The following KCNH8 variants were observed in gnomAD, a reference collection of about 807,000 sequenced individuals.
KCNH8 encodes potassium voltage-gated channel subfamily H member 8.
A neutral mutation model predicts 103.6 loss-of-function variants in KCNH8; 70 were observed. The ratio of observed to expected loss-of-function variants is 0.68; its 90% CI spans 0.56 to 0.82. KCNH8 has a LOEUF of 0.82. KCNH8 is among the 40% of genes least tolerant of loss of function. The probability of loss-of-function intolerance (pLI) is 0.00; values close to 1 mark genes in which losing one functional copy is unlikely to be tolerated. For missense variants in KCNH8, 1,217 were observed against 1,329.9 expected, an observed-to-expected ratio of 0.92 and a Z score of 1.32; for synonymous variants, 498 against 489.4, an observed-to-expected ratio of 1.02 and a Z score of -0.23.
At chr3:19,451,442 CTG>C (rs1438349478) in intron 10 of KCNH8, 38 bp downstream of exon 10, 2 of 1,595,640 alleles carry the variant, frequency 1.3e-6, no homozygotes, top group Admixed American at 1.7e-5. Context: ...AAATTTGACT[CTG>C]GAGCATAAAT....
intron 1 of KCNH8, among the ~76,000 whole-genome samples, chr3:19,223,411 C>T (rs1168469118): frequency 1.3e-5 from 2 of 152,148 alleles, no homozygotes; most frequent in East Asian, 3.8e-4. Flanking sequence ...AGTTCAGCCT[C>T]TAATAAAATA....
intron 15 of KCNH8, among the ~76,000 whole-genome samples, chr3:19,530,060 A>C (rs1344888878): frequency 6.6e-6 from 1 of 152,142 alleles, no homozygotes; most frequent in Non-Finnish European, 1.5e-5. Context: ...CCAGGCACAG[A>C]AAGACAAATA....
intron 1 of KCNH8, among the ~76,000 whole-genome samples, chr3:19,247,144 A>G (rs2064216991): frequency 6.6e-6 from 1 of 152,214 alleles, no homozygotes; most frequent in Admixed American, 6.5e-5. Context: ...TGGATGATGT[A>G]TAAATTACAA....
chr3:19,512,169 T>C (rs1463933823), intron 12 of KCNH8, among the ~76,000 whole-genome samples: 3 of 152,228 alleles, frequency 2.0e-5, no homozygotes, highest in Non-Finnish European at 4.4e-5. Flanking sequence ...ACAGTGACTC[T>C]GTTGAGGGCC....
intron 3 of KCNH8, among the ~76,000 whole-genome samples, chr3:19,288,968 C>T (rs952802615): frequency 1.4e-4 from 21 of 152,248 alleles, no homozygotes; most frequent in African/African-American, 4.6e-4. Context: ...ATTTGCATTT[C>T]TCTGATGGCC....
intron 11 of KCNH8, among the ~76,000 whole-genome samples, chr3:19,462,420 T>C (rs886324305): frequency 5.3e-5 from 8 of 152,254 alleles, no homozygotes; most frequent in Non-Finnish European, 1.0e-4. Context: ...CATGTGTCTG[T>C]TGGCTGCATA....
chr3:19,320,870 G>C (rs1489449293), intron 3 of KCNH8, among the ~76,000 whole-genome samples: 1 of 151,734 alleles, frequency 6.6e-6, no homozygotes. Flanking sequence ...CTTGTTACTG[G>C]TGTGTTCAGA....
chr3:19,425,595 A>C (rs1397116385), intron 7 of KCNH8, among the ~76,000 whole-genome samples: 1 of 152,196 alleles, frequency 6.6e-6, no homozygotes, highest in Non-Finnish European at 1.5e-5. Flanking sequence ...TCTCCCCTTC[A>C]GTAGTAGTGG....
chr3:19,255,448 C>G (rs1376948452), intron 2 of KCNH8, among the ~76,000 whole-genome samples: 2 of 152,000 alleles, frequency 1.3e-5, no homozygotes, highest in East Asian at 1.9e-4. Flanking sequence ...TATTTGAATA[C>G]CCTGTATTCC....
At chr3:19,408,307 T>G (rs1257647085) in intron 7 of KCNH8, among the ~76,000 whole-genome samples, 1 of 150,864 alleles carries the variant, frequency 6.6e-6, no homozygotes, top group East Asian at 2.0e-4. Context: ...AAGGGGAAGG[T>G]AAAGGGAAAG....
At chr3:19,336,595 TTTTA>T (rs1377474639) in intron 3 of KCNH8, among the ~76,000 whole-genome samples, 1 of 151,928 alleles carries the variant, frequency 6.6e-6, no homozygotes, top group African/African-American at 2.4e-5. Context: ...TTCCCTATAA[TTTTA>T]TTTATTTTTT....
At chr3:19,463,278 G>A (rs1421920740) in intron 11 of KCNH8, among the ~76,000 whole-genome samples, 1 of 152,102 alleles carries the variant, frequency 6.6e-6, no homozygotes, top group East Asian at 1.9e-4. Context: ...AAGTTTCAGA[G>A]TAGTCCTATG....
chr3:19,171,467 T>C (rs909048404), intron 1 of KCNH8, among the ~76,000 whole-genome samples: 2 of 152,122 alleles, frequency 1.3e-5, no homozygotes, highest in African/African-American at 2.4e-5. Context: ...CTACTTACAA[T>C]CCATTTTTTC....
intron 1 of KCNH8, among the ~76,000 whole-genome samples, chr3:19,152,145 G>GT (rs1027196248): frequency 6.6e-5 from 10 of 151,024 alleles, no homozygotes; most frequent in Admixed American, 4.0e-4. Context: ...CTTCTCCATA[G>GT]TTTTTTTTTA....
chr3:19,197,305 T>C (rs1375798569), intron 1 of KCNH8, among the ~76,000 whole-genome samples: 2 of 152,016 alleles, frequency 1.3e-5, no homozygotes, highest in South Asian at 2.1e-4. Context: ...CTTTGTTTTC[T>C]CGGATTTAGT....
intron 1 of KCNH8, among the ~76,000 whole-genome samples, chr3:19,217,494 A>T (rs113192489): frequency 0.028 from 4,301 of 152,254 alleles, 202 homozygotes; most frequent in African/African-American, 0.096. Context: ...GAAATATATA[A>T]TTACGCATTT....
chr3:19,478,383 A>G (rs1232441281), intron 11 of KCNH8, among the ~76,000 whole-genome samples: 1 of 152,062 alleles, frequency 6.6e-6, no homozygotes, highest in African/African-American at 2.4e-5. Context: ...AGCTTGTACT[A>G]GTTTACCCAC....
At chr3:19,270,276 G>T (rs2064569727) in intron 2 of KCNH8, among the ~76,000 whole-genome samples, 1 of 152,142 alleles carries the variant, frequency 6.6e-6, no homozygotes, top group African/African-American at 2.4e-5. Context: ...CAAGTTTGCT[G>T]ACCTTTGAAG....
intron 5 of KCNH8, among the ~76,000 whole-genome samples, chr3:19,358,915 A>G (rs1178549560): frequency 6.7e-6 from 1 of 148,508 alleles, no homozygotes; most frequent in African/African-American, 2.6e-5. Context: ...AACAACCAGA[A>G]AAAAAAACCT....
Sources: allele counts gnomAD v4.1 joint callset (sites outside exome capture counted in the v4.1 genomes callset), GRCh38; gene constraint gnomAD v4.1.1; transcripts MANE v1.5; gene names NCBI Gene and HGNC (gene_info 2026-07-23, HGNC 2026-07-21).